Variants in NKAIN3 observed in about 807,000 individuals in gnomAD.
NKAIN3 encodes sodium/potassium-transporting ATPase subunit beta-1-interacting protein 3.
Under a neutral mutation model 30.2 loss-of-function variants are expected in NKAIN3, and 25 were observed. The observed-to-expected ratio is 0.83, with a 90% CI of 0.60 to 1.16. The LOEUF is 1.16. NKAIN3 is among the 50% of genes most tolerant of loss of function. NKAIN3 has a pLI of 0.00. For missense variants in NKAIN3, 225 were observed against 254.1 expected (o/e 0.89, Z 0.78); for synonymous variants, 91 against 89.6 (o/e 1.02, Z -0.09).
At chr8:62,783,185 A>T (rs915410976) in intron 4 of NKAIN3, among the ~76,000 whole-genome samples, 2 of 152,138 alleles carry the variant, frequency 1.3e-5, no homozygotes, top group African/African-American at 2.4e-5. Context: ...TTCATACATT[A>T]ACATCCTAAT....
intron 3 of NKAIN3, among the ~76,000 whole-genome samples, chr8:62,723,075 G>T (rs1815141295): frequency 6.6e-6 from 1 of 152,056 alleles, no homozygotes; most frequent in South Asian, 2.1e-4. Flanking sequence ...GTCTTATTTT[G>T]CAGAGGATTC....
chr8:62,913,011 TC>T (rs1821968622), intron 4 of NKAIN3, among the ~76,000 whole-genome samples: 1 of 152,250 alleles, frequency 6.6e-6, no homozygotes, highest in East Asian at 1.9e-4. Context: ...CACTGTCTTC[TC>T]CATCCACATC....
In NKAIN3 at chr8:62,361,960, A is replaced by T. The variant is rs146267804; in HGVS notation, c.54+112833A>T. Among the ~76,000 whole-genome samples the T allele has an allele frequency of 1.9e-4, 29 of 152,226 alleles. No homozygotes were observed. In the East Asian group the frequency reaches 5.0e-3, roughly 26 times the overall value. On this transcript the variant is annotated intron_variant, in intron 1 of 6. Coordinates refer to ENST00000623646, the MANE Select transcript of NKAIN3 (RefSeq NM_001304533.3). Reference sequence around the variant, plus strand: ...TTCCACATCTTTTCCTCCAGGAAACATTTCTAGGCCCTTCAAGTTGGGCCA... The same window carrying T: ...TTCCACATCTTTTCCTCCAGGAAACTTTTCTAGGCCCTTCAAGTTGGGCCA...
At chr8:62,874,486 T>TA (rs937332547) in intron 4 of NKAIN3, among the ~76,000 whole-genome samples, 38 of 152,302 alleles carry the variant, frequency 2.5e-4, no homozygotes, top group African/African-American at 9.1e-4. Context: ...ATCATGCTGA[T>TA]ACCAAAACAG....
intron 1 of NKAIN3, among the ~76,000 whole-genome samples, chr8:62,501,476 C>G (rs1216389489): frequency 6.6e-6 from 1 of 152,144 alleles, no homozygotes; most frequent in East Asian, 1.9e-4. Context: ...ACAAGGCTTT[C>G]TATTTTCTCA....
At chr8:62,606,126 C>G (rs1405211597) in intron 3 of NKAIN3, among the ~76,000 whole-genome samples, 2 of 152,094 alleles carry the variant, frequency 1.3e-5, no homozygotes, top group Non-Finnish European at 2.9e-5. Context: ...CCATCTTACC[C>G]TCTTTTCTCA....
chr8:62,709,519 T>C (rs1172398294), intron 3 of NKAIN3, among the ~76,000 whole-genome samples: 1 of 152,200 alleles, frequency 6.6e-6, no homozygotes, highest in Non-Finnish European at 1.5e-5. Flanking sequence ...AAGGTGTTCA[T>C]AGTAGCCTTG....
intron 1 of NKAIN3, among the ~76,000 whole-genome samples, chr8:62,431,440 C>G (rs1804994835): frequency 6.6e-6 from 1 of 151,570 alleles, no homozygotes; most frequent in Non-Finnish European, 1.5e-5. Context: ...TTCTTATTTG[C>G]CCAAAGTTCT....
chr8:62,877,256 A>C (rs1387213570), intron 4 of NKAIN3, among the ~76,000 whole-genome samples: 2 of 152,196 alleles, frequency 1.3e-5, no homozygotes, highest in African/African-American at 4.8e-5. Context: ...CAAAATACCC[A>C]TTCAAAGTTA....
At chr8:62,315,090 C>A (rs559689048) in intron 1 of NKAIN3, among the ~76,000 whole-genome samples, 2 of 152,224 alleles carry the variant, frequency 1.3e-5, no homozygotes, top group Admixed American at 1.3e-4. Flanking sequence ...AGAGCCATCA[C>A]GCAGGACACA....
chr8:62,701,484 C>T (rs1437319567), intron 3 of NKAIN3, among the ~76,000 whole-genome samples: 1 of 152,196 alleles, frequency 6.6e-6, no homozygotes. Context: ...ACGTGGCAGG[C>T]AGTGAAACAT....
chr8:62,922,355 A>G (rs945307714), intron 5 of NKAIN3, among the ~76,000 whole-genome samples: 1 of 152,206 alleles, frequency 6.6e-6, no homozygotes. Context: ...AAAACTTTTT[A>G]AAATCCTATC....
chr8:62,280,684 T>C (rs866097490), intron 1 of NKAIN3, among the ~76,000 whole-genome samples: 1 of 152,210 alleles, frequency 6.6e-6, no homozygotes, highest in Non-Finnish European at 1.5e-5. Context: ...CATTTATTGA[T>C]TTGCATACGT....
At chr8:62,631,114 AC>A (rs1028279206) in intron 3 of NKAIN3, among the ~76,000 whole-genome samples, 3 of 151,980 alleles carry the variant, frequency 2.0e-5, no homozygotes, top group Admixed American at 1.3e-4. Flanking sequence ...TCAAGCCAAC[AC>A]CTCTCCGCTG....
At chr8:62,575,473 A>C (rs1239830653) in intron 1 of NKAIN3, among the ~76,000 whole-genome samples, 2 of 152,150 alleles carry the variant, frequency 1.3e-5, no homozygotes, top group Middle Eastern at 6.3e-3. Context: ...GAGGACACCA[A>C]AAAATGGAAA....
intron 3 of NKAIN3, among the ~76,000 whole-genome samples, chr8:62,622,769 T>A (rs535388136): frequency 6.6e-6 from 1 of 152,152 alleles, no homozygotes; most frequent in East Asian, 1.9e-4. Context: ...AAAATCTTTT[T>A]AATTTTTATA....
chr8:62,842,709 C>G (rs573270116), intron 4 of NKAIN3, among the ~76,000 whole-genome samples: 2 of 152,064 alleles, frequency 1.3e-5, no homozygotes, highest in African/African-American at 4.8e-5. Flanking sequence ...TAAACTCATG[C>G]CTTCATGGTC....
intron 1 of NKAIN3, among the ~76,000 whole-genome samples, chr8:62,460,182 G>C (rs1186977707): frequency 3.8e-5 from 5 of 130,356 alleles, no homozygotes; most frequent in Non-Finnish European, 9.1e-5. Context: ...GGAGGCCGAG[G>C]CAGTGGATCA....
intron 4 of NKAIN3, among the ~76,000 whole-genome samples, chr8:62,747,680 G>T (rs540520286): frequency 3.3e-5 from 5 of 152,136 alleles, no homozygotes; most frequent in Non-Finnish European, 5.9e-5. Flanking sequence ...AATGTGCCAG[G>T]GATTCCTTAA....
Sources: allele counts gnomAD v4.1 joint callset (sites outside exome capture counted in the v4.1 genomes callset), GRCh38; gene constraint gnomAD v4.1.1; transcripts MANE v1.5; gene names NCBI Gene and HGNC (gene_info 2026-07-23, HGNC 2026-07-21).